The following SOS1 variants were observed in gnomAD, a reference collection of about 807,000 sequenced individuals.
SOS1 encodes SOS Ras/Rac guanine nucleotide exchange factor 1.
A neutral mutation model predicts 157.6 loss-of-function variants in SOS1; 25 were observed. That is an observed-to-expected ratio of 0.16 (90% CI 0.12 to 0.22). The LOEUF (loss-of-function observed/expected upper bound fraction) is 0.22. Among genes scored for constraint, SOS1 ranks in the 10% least tolerant of loss-of-function variants. The pLI, the probability that SOS1 is intolerant of heterozygous loss-of-function variation, is 1.00. For synonymous variants in SOS1, 528 were observed against 534.0 expected, an observed-to-expected ratio of 0.99 and a Z score of 0.16; for missense variants, 1,237 against 1,599.1, an observed-to-expected ratio of 0.77 and a Z score of 3.86.
chr2:38,982,493 C>T lies in SOS1; in HGVS notation c.*3331G>A, dbSNP rs1282175384. On this transcript the variant is annotated 3_prime_UTR_variant, in exon 23 of 23. Coordinates refer to ENST00000402219, the MANE Select transcript of SOS1 (RefSeq NM_005633.4). ...ATATTAACCTTGTGATGTTTAGTTACTGGTAAAGATTAATGCAATACAACA... is the reference window on the plus strand; with the variant it reads ...ATATTAACCTTGTGATGTTTAGTTATTGGTAAAGATTAATGCAATACAACA... 4 of 152,112 alleles carry T rather than the reference C, an allele frequency of 2.6e-5. No homozygotes were observed. 9.4% of individuals were successfully genotyped at this position (152,112 alleles called of 1,614,324 possible). A position where few individuals can be genotyped will look rare whatever the true frequency, so the allele number is the denominator to read the frequency against.
chr2:39,000,477 C>T (rs1195578029), intron 17 of SOS1, among the ~76,000 whole-genome samples: 1 of 151,834 alleles, frequency 6.6e-6, no homozygotes, highest in Non-Finnish European at 1.5e-5. Flanking sequence ...TACTCCTGTA[C>T]TTCAATATAT....
rs553392911 is a variant in SOS1 at position 39,030,498 on chromosome 2, A to C, written c.1074+4714T>G. Among the ~76,000 whole-genome samples the C allele has an allele frequency of 9.2e-5, 14 of 151,678 alleles. No individual in the cohort carries two copies. The East Asian group carries it at 2.8e-3, about 30-fold the overall frequency. ...GATGAGAAGATTGTTTGAGCCCATGAGTTCCAGACTGTAGCAAGCTATGAT... is the reference window on the plus strand; with the variant it reads ...GATGAGAAGATTGTTTGAGCCCATGCGTTCCAGACTGTAGCAAGCTATGAT... On this transcript the variant is annotated intron_variant, in intron 8 of 22. Transcript: ENST00000402219.
At chr2:38,992,049 A>C (rs998029906) in intron 20 of SOS1, among the ~76,000 whole-genome samples, 1 of 152,210 alleles carries the variant, frequency 6.6e-6, no homozygotes, top group African/African-American at 2.4e-5. Flanking sequence ...TGTTGGGATG[A>C]CATATGACTG....
intron 1 of SOS1, among the ~76,000 whole-genome samples, chr2:39,101,151 G>T (rs949696757): frequency 6.6e-6 from 1 of 152,134 alleles, no homozygotes; most frequent in Admixed American, 6.6e-5. Context: ...GAGCCAAAGG[G>T]GGAGCAAATG....
At chr2:39,080,422 C>T (rs569446851) in intron 1 of SOS1, among the ~76,000 whole-genome samples, 1 of 152,176 alleles carries the variant, frequency 6.6e-6, no homozygotes, top group East Asian at 1.9e-4. Flanking sequence ...TGGTTCCTAA[C>T]AGGCCATGGA....
At chr2:39,104,562 G>A (rs956428889) in intron 1 of SOS1, among the ~76,000 whole-genome samples, 1 of 152,174 alleles carries the variant, frequency 6.6e-6, no homozygotes, top group African/African-American at 2.4e-5. Context: ...TCCTGAAGAA[G>A]CTAACCACAG....
chr2:39,068,547 C>G (rs1190829215), intron 1 of SOS1, among the ~76,000 whole-genome samples: 1 of 152,200 alleles, frequency 6.6e-6, no homozygotes, highest in African/African-American at 2.4e-5. Flanking sequence ...TGCAGGCACG[C>G]ATATTACAAG....
At chr2:39,109,918 G>C (rs746739225) in intron 1 of SOS1, among the ~76,000 whole-genome samples, 1 of 152,044 alleles carries the variant, frequency 6.6e-6, no homozygotes, top group African/African-American at 2.4e-5. Context: ...AACAAAATTG[G>C]AGTATTACAC....
chr2:39,120,321 C>G lies in SOS1; in HGVS notation c.87+15G>C, dbSNP rs375493196. 3.0e-5 allele frequency: 47 copies of G among 1,564,860 alleles called. No individual in the cohort carries two copies. The African/African-American group carries it at 5.7e-4, about 19-fold the overall frequency. On this transcript the variant is annotated intron_variant, in intron 1 of 22. Transcript: ENST00000402219. Reference sequence around the variant, plus strand: ...GGGGCTGCGGCCGGGAAGCGGGGTCCCGCGTGCTCCTCACCTTTTTCAGCG... The same window carrying G: ...GGGGCTGCGGCCGGGAAGCGGGGTCGCGCGTGCTCCTCACCTTTTTCAGCG...
At chr2:38,998,290 C>T (rs1358979985) in intron 17 of SOS1, among the ~76,000 whole-genome samples, 1 of 151,928 alleles carries the variant, frequency 6.6e-6, no homozygotes, top group Non-Finnish European at 1.5e-5. Flanking sequence ...CACTCTGTCT[C>T]CCAGGCTAGA....
intron 6 of SOS1, among the ~76,000 whole-genome samples, chr2:39,049,348 C>CT (rs58573176): frequency 0.036 from 5,451 of 152,276 alleles, 299 homozygotes; most frequent in African/African-American, 0.11. Flanking sequence ...AAATGTTATA[C>CT]TACATGAGTT....
At chr2:39,004,406 CAAAAAAAAA>C (rs60882005) in intron 17 of SOS1, among the ~76,000 whole-genome samples, 1 of 66,534 alleles carries the variant, frequency 1.5e-5, no homozygotes, top group East Asian at 4.5e-4. Context: ...GACTCTGTGT[CAAAAAAAAA>C]AAAAAAAAAA....
chr2:38,997,569 A>C (rs1485239812), intron 17 of SOS1, 144 bp from the exon 18 acceptor site: 2 of 571,128 alleles, frequency 3.5e-6, no homozygotes, highest in Non-Finnish European at 3.0e-6. Context: ...TGATATGAAA[A>C]CAGCAGCTTA....
Position 39,054,831 on chromosome 2 carries a change from G to A in SOS1, c.511-8C>T. 8.1e-7 allele frequency: 1 copy of A among 1,238,342 alleles called. No individual in the cohort carries two copies. The highest frequency in any genetic ancestry group is 1.2e-6 in the Non-Finnish European group (1 of 840,912). The allele number at this position is 1,238,342 out of a possible 1,614,324, so 76.7% of individuals were successfully genotyped here. A position where few individuals can be genotyped will look rare whatever the true frequency, so the allele number is the denominator to read the frequency against. ...AAACATATCCATCAATACCTATACA[G>A]TCAGAGATATAAAAAAGTATAATAA... On this transcript the variant is annotated splice_polypyrimidine_tract_variant and splice_region_variant and intron_variant, in intron 4 of 22. Coordinates refer to ENST00000402219, the MANE Select transcript of SOS1 (RefSeq NM_005633.4).
Position 38,985,851 on chromosome 2 carries a change from T to C in SOS1, c.3975A>G (p.Pro1325=), listed in dbSNP as rs1668540074. 6.2e-7 allele frequency: 1 copy of C among 1,613,754 alleles called. No individual in the cohort carries two copies. Among genetic ancestry groups the C allele is most frequent in the Non-Finnish European group, 8.5e-7 (1 of 1,179,800 alleles). The stretch of plus-strand genomic sequence containing the variant: ...AGGAAGAATGGGCATTCTCCAACAG[T>C]GGTGGTCCATCTCTGTGCATGGATG... ...THPSMHRDGP[P]LLENAHSS Residue 1325 remains proline (P), a synonymous_variant, in exon 23 of 23, where the codon CCA becomes CCG. Transcript: ENST00000402219.
At chr2:39,035,058 T>G (rs1670296623) in intron 8 of SOS1, among the ~76,000 whole-genome samples, 154 bp downstream of exon 8, 1 of 152,116 alleles carries the variant, frequency 6.6e-6, no homozygotes, top group Admixed American at 6.5e-5. Context: ...ATGCTACTCT[T>G]TTGCAGACTG....
chr2:39,065,823 G>C (rs1007134687), intron 2 of SOS1, among the ~76,000 whole-genome samples: 4 of 152,076 alleles, frequency 2.6e-5, no homozygotes, highest in Admixed American at 1.3e-4. Flanking sequence ...TATTGCTCTA[G>C]GTGCTGATGA....
intron 6 of SOS1, among the ~76,000 whole-genome samples, chr2:39,044,165 T>C (rs1265957458): frequency 6.6e-6 from 1 of 152,162 alleles, no homozygotes. Flanking sequence ...GAGACCAGCC[T>C]AGCCATCATG....
At chr2:39,123,713 G>T (rs1054315412), upstream of SOS1, among the ~76,000 whole-genome samples, 3 of 152,152 alleles carry the variant, frequency 2.0e-5, no homozygotes, top group African/African-American at 7.2e-5. Context: ...TATCCCCGGG[G>T]CCTACAATGC....
Sources: gnomAD v4.1 joint callset for allele counts (sites outside exome capture counted in the v4.1 genomes callset) on GRCh38, gnomAD v4.1.1 for gene constraint, MANE v1.5 for transcripts, NCBI Gene and HGNC (gene_info 2026-07-23, HGNC 2026-07-21) for gene names.